The following LYST variants were observed in gnomAD, a reference collection of about 807,000 sequenced individuals.
LYST encodes lysosomal trafficking regulator, also known as lysosomal-trafficking regulator.
A neutral mutation model predicts 413.6 loss-of-function variants in LYST; 192 were observed. The ratio of observed to expected loss-of-function variants is 0.46; its 90% CI spans 0.41 to 0.52. LYST has a LOEUF of 0.52. LYST is among the 20% of genes least tolerant of loss of function. LYST has a pLI of 0.00. For missense variants in LYST, 3,815 were observed against 4,499.9 expected (o/e 0.85, Z 4.35); for synonymous variants, 1,525 against 1,567.3 (o/e 0.97, Z 0.64).
chr1:235,741,564 G>T lies in LYST; in HGVS notation c.8216C>A (p.Thr2739Asn), dbSNP rs1443276945. Residue 2739 changes from threonine (T) to asparagine (N), a missense_variant, in exon 31 of 53, where the codon ACC becomes AAC. Physicochemically the swap from Thr to Asn is moderately conservative, Grantham distance 65. Coordinates refer to ENST00000389793, the MANE Select transcript of LYST (RefSeq NM_000081.4). The part of the protein sequence containing the change: ...WTKILWSCKE[T>N]FRMQLGRLLV... Reference sequence around the variant, plus strand: ...TAGTCTCCCAAGCTGCATTCGGAAGGTCTCCTTACAAGACCACAGAATTTT... The same window carrying T: ...TAGTCTCCCAAGCTGCATTCGGAAGTTCTCCTTACAAGACCACAGAATTTT... The T allele has an allele frequency of 1.2e-6, 2 of 1,614,070 alleles. No homozygotes were observed. Among genetic ancestry groups the T allele is most frequent in the Admixed American group, 1.7e-5 (1 of 60,024 alleles).
intron 14 of LYST, among the ~76,000 whole-genome samples, chr1:235,783,103 TAATGAGAGTAATC>T (rs763494950): frequency 2.6e-4 from 39 of 152,302 alleles, no homozygotes; most frequent in Non-Finnish European, 3.7e-4. Flanking sequence ...CATTTTAAGA[TAATGAGAGTAATC>T]TATGAAGGCA....
In LYST at chr1:235,733,666, AT is replaced by A; in HGVS notation, c.8637del (p.Lys2879AsnfsTer8). ...GCAGCTATTTTAGATATATCCTTTGATTTTGAATCCAGACGCTGAAAGAGAC... is the reference window on the plus strand; with the variant it reads ...GCAGCTATTTTAGATATATCCTTTGATTTGAATCCAGACGCTGAAAGAGAC... ...QQSLFQRLDS[K>X]SKDISKIAAD... On this transcript the variant is annotated frameshift_variant, in exon 34 of 53. Coordinates refer to ENST00000389793, the MANE Select transcript of LYST (RefSeq NM_000081.4). LOFTEE classifies it high-confidence loss of function. 6.2e-7 allele frequency: 1 copy of A among 1,613,678 alleles called. No homozygotes were observed. The highest frequency in any genetic ancestry group is 8.5e-7 in the Non-Finnish European group (1 of 1,179,738).
At chr1:235,718,386 T>C (rs946580438) in intron 40 of LYST, among the ~76,000 whole-genome samples, 3 of 151,656 alleles carry the variant, frequency 2.0e-5, no homozygotes, top group African/African-American at 7.3e-5. Flanking sequence ...TCAGACAGTT[T>C]CACTCTGTCA....
intron 1 of LYST, among the ~76,000 whole-genome samples, chr1:235,839,141 C>T (rs541883110): frequency 2.0e-5 from 3 of 150,930 alleles, no homozygotes; most frequent in East Asian, 4.0e-4. Context: ...TCGTTCTCTA[C>T]ATATAAAATG....
At chr1:235,726,518 G>A (rs1183047466) in intron 38 of LYST, among the ~76,000 whole-genome samples, 1 of 151,878 alleles carries the variant, frequency 6.6e-6, no homozygotes. Context: ...TCAAAAAGGG[G>A]GCATGAAATA....
chr1:235,798,559 C>G, intron 10 of LYST, among the ~76,000 whole-genome samples: 1 of 98,774 alleles, frequency 1.0e-5, no homozygotes, highest in African/African-American at 3.8e-5. Context: ...GCCTTGGCGA[C>G]AAGGGCAAAA....
chr1:235,768,519 C>T (rs921140569), intron 20 of LYST, among the ~76,000 whole-genome samples: 13 of 151,984 alleles, frequency 8.6e-5, no homozygotes, highest in African/African-American at 3.1e-4. Context: ...TCCCACAATA[C>T]CTGACATAAA....
intron 1 of LYST, among the ~76,000 whole-genome samples, chr1:235,874,038 A>G (rs141248903): frequency 1.0e-3 from 156 of 152,374 alleles, no homozygotes; most frequent in African/African-American, 3.6e-3. Flanking sequence ...CTTCAAAGCA[A>G]CAGTTGAAAA....
chr1:235,683,368 C>T (rs16832800), intron 48 of LYST, among the ~76,000 whole-genome samples: 7,879 of 152,258 alleles, frequency 0.052, 694 homozygotes, highest in African/African-American at 0.18. Flanking sequence ...TTCACTTATA[C>T]GAAGATGATG....
At chr1:235,855,456 A>C (rs952129333) in intron 1 of LYST, among the ~76,000 whole-genome samples, 1 of 152,190 alleles carries the variant, frequency 6.6e-6, no homozygotes, top group African/African-American at 2.4e-5. Flanking sequence ...AACATTTTTC[A>C]TATTAAAACC....
intron 3 of LYST, among the ~76,000 whole-genome samples, chr1:235,814,305 G>A (rs1412169487): frequency 6.6e-6 from 1 of 151,886 alleles, no homozygotes; most frequent in Non-Finnish European, 1.5e-5. Context: ...ATATAGATCT[G>A]GAACTTAAAA....
chr1:235,775,098 A>G lies in LYST; in HGVS notation c.5461-12T>C, dbSNP rs1373092212. ...CTGAGTTCAACAACCTAAAAAAAAA[A>G]ATGGGTGGATATAGTTTTCTCCCAA... On this transcript the variant is annotated splice_polypyrimidine_tract_variant and intron_variant, in intron 17 of 52. Coordinates refer to ENST00000389793, the MANE Select transcript of LYST (RefSeq NM_000081.4). The G allele has an allele frequency of 3.7e-6, 6 of 1,605,582 alleles. No homozygotes were observed. Among genetic ancestry groups the G allele is most frequent in the Non-Finnish European group, 5.1e-6 (6 of 1,176,578 alleles).
chr1:235,873,194 A>G (rs1285322868), intron 1 of LYST, among the ~76,000 whole-genome samples: 1 of 152,160 alleles, frequency 6.6e-6, no homozygotes, highest in Admixed American at 6.5e-5. Context: ...ATCAGAAACT[A>G]TTTCCTTGAG....
chr1:235,731,601 C>T (rs1664387268), intron 34 of LYST, among the ~76,000 whole-genome samples: 2 of 148,502 alleles, frequency 1.3e-5, no homozygotes, highest in African/African-American at 5.0e-5. Context: ...CTGTGTCGCC[C>T]AGGCTGGAGT....
In LYST at chr1:235,791,839, T is replaced by C. The variant is rs749813479; in HGVS notation, c.4403A>G (p.His1468Arg). The change falls in exon 12 of 53, where the codon CAC (histidine) becomes CGC (arginine). Residue 1468 changes from histidine (H) to arginine (R), a missense_variant. His to Arg is a conservative substitution (Grantham distance 29). Transcript: ENST00000389793. ...LPLLGQNCWP[H>R]LSEGFSVSLW... is the part of the protein sequence containing the mutation. The stretch of plus-strand genomic sequence containing the variant: ...GGAAACACTGAAACCTTCTGATAGG[T>C]GTGGCCAGCAGTTTTGCCCCAGCAA... 5.6e-6 allele frequency: 9 copies of C among 1,614,150 alleles called. No individual in the cohort carries two copies. In the Admixed American group the frequency reaches 1.3e-4, roughly 24 times the overall value.
chr1:235,795,963 AAAC>A (rs1558257654), intron 10 of LYST, among the ~76,000 whole-genome samples: 1 of 152,070 alleles, frequency 6.6e-6, no homozygotes, highest in Non-Finnish European at 1.5e-5. Context: ...AATAACCAGA[AAAC>A]AATCAAAAAA....
At chr1:235,684,617 CT>C (rs1389052217) in intron 48 of LYST, among the ~76,000 whole-genome samples, 4 of 151,932 alleles carry the variant, frequency 2.6e-5, no homozygotes. Context: ...TGCTTATAAC[CT>C]TTTTTAAAAA....
At chr1:235,866,620 C>T (rs1680558213) in intron 1 of LYST, among the ~76,000 whole-genome samples, 1 of 152,108 alleles carries the variant, frequency 6.6e-6, no homozygotes, top group African/African-American at 2.4e-5. Flanking sequence ...AAAGGCGGCC[C>T]GGCGCCGCGA....
intron 38 of LYST, among the ~76,000 whole-genome samples, chr1:235,727,805 A>G (rs1342975793): frequency 6.6e-6 from 1 of 152,202 alleles, no homozygotes; most frequent in Non-Finnish European, 1.5e-5. Flanking sequence ...GGACAGTAAT[A>G]AGAAGGAATG....
Sources: gnomAD v4.1 joint callset for allele counts (sites outside exome capture counted in the v4.1 genomes callset) on GRCh38, gnomAD v4.1.1 for gene constraint, MANE v1.5 for transcripts, NCBI Gene and HGNC (gene_info 2026-07-23, HGNC 2026-07-21) for gene names.